The following NDUFAF6 variants were observed in gnomAD, a reference collection of about 807,000 sequenced individuals.
NDUFAF6 encodes NADH dehydrogenase (ubiquinone) complex I, assembly factor 6.
Under a neutral mutation model 40.8 loss-of-function variants are expected in NDUFAF6, and 45 were observed. The observed-to-expected ratio is 1.10, with a 90% confidence interval of 0.87 to 1.42. NDUFAF6 has a LOEUF of 1.42. Among genes scored for constraint, NDUFAF6 ranks in the 40% most tolerant of loss-of-function variants. The probability of loss-of-function intolerance (pLI) is 0.00; values close to 1 mark genes in which losing one functional copy is unlikely to be tolerated. For missense variants in NDUFAF6, 435 were observed against 418.5 expected (o/e 1.04, Z -0.34); for synonymous variants, 185 against 155.9 (o/e 1.19, Z -1.39).
At chr8:94,959,527 T>C (rs1823378662) in intron 1 of NDUFAF6, among the ~76,000 whole-genome samples, 1 of 86,114 alleles carries the variant, frequency 1.2e-5, no homozygotes, top group Non-Finnish European at 2.8e-5. Flanking sequence ...GTTGTTGCTT[T>C]TTGTTTTTTT....
chr8:94,977,056 T>C (rs1337600204), intron 1 of NDUFAF6, among the ~76,000 whole-genome samples: 1 of 143,396 alleles, frequency 7.0e-6, no homozygotes, highest in African/African-American at 2.6e-5. Context: ...GAGGATCACC[T>C]AAACTCAGGG....
intron 4 of NDUFAF6, among the ~76,000 whole-genome samples, chr8:95,042,471 A>G (rs1830253432): frequency 6.6e-6 from 1 of 152,220 alleles, no homozygotes; most frequent in Non-Finnish European, 1.5e-5. Context: ...AAAGAAAATT[A>G]GGGAACTCAA....
At chr8:94,931,235 A>G (rs186016622) in intron 1 of NDUFAF6, among the ~76,000 whole-genome samples, 3 of 152,334 alleles carry the variant, frequency 2.0e-5, no homozygotes, top group Non-Finnish European at 4.4e-5. Flanking sequence ...CATGCTTTAA[A>G]TCTTTATTTA....
At chr8:94,908,530 T>C (rs1285951618) in intron 1 of NDUFAF6, among the ~76,000 whole-genome samples, 1 of 152,116 alleles carries the variant, frequency 6.6e-6, no homozygotes, top group Non-Finnish European at 1.5e-5. Context: ...CCCTCTTCCC[T>C]GGCTAATTTT....
At chr8:95,089,330 C>T (rs1210438873) in intron 2 of NDUFAF6, among the ~76,000 whole-genome samples, 1 of 152,166 alleles carries the variant, frequency 6.6e-6, no homozygotes, top group Non-Finnish European at 1.5e-5. Flanking sequence ...GCCTCCGCCT[C>T]CCATAGTGCT....
intron 8 of NDUFAF6, among the ~76,000 whole-genome samples, chr8:95,053,194 T>C (rs1010510510): frequency 3.7e-4 from 57 of 152,222 alleles, no homozygotes; most frequent in African/African-American, 1.3e-3. Flanking sequence ...TTGCTAATTA[T>C]AAAAGTAGTA....
chr8:95,039,616 GT>G lies in NDUFAF6; in HGVS notation c.421-1943del, dbSNP rs879756772. Among the ~76,000 whole-genome samples the G allele has an allele frequency of 6.7e-4, 99 of 147,296 alleles. No homozygotes were observed. In the Middle Eastern group the frequency reaches 0.014, roughly 21 times the overall value. ...AATAGTGATACTTATAATCAGGACA[GT>G]TTTTTTTTTTATTTCTATTTTTTTC... is the stretch of plus-strand genomic sequence containing the variant. On this transcript the variant is annotated intron_variant, in intron 3 of 8. Transcript: ENST00000396124.
At chr8:95,022,583 C>G (rs1474273935), upstream of NDUFAF6, among the ~76,000 whole-genome samples, 1 of 140,722 alleles carries the variant, frequency 7.1e-6, no homozygotes, top group Non-Finnish European at 1.5e-5. Context: ...TAATCTTTAC[C>G]CCTCCAAAAA....
At chr8:94,925,327 A>T (rs1262754583) in intron 1 of NDUFAF6, among the ~76,000 whole-genome samples, 1 of 152,212 alleles carries the variant, frequency 6.6e-6, no homozygotes, top group Non-Finnish European at 1.5e-5. Context: ...CAATGGCATC[A>T]GGGAAGGCCA....
intron 2 of NDUFAF6, among the ~76,000 whole-genome samples, chr8:95,016,526 T>G (rs907202218): frequency 2.0e-5 from 3 of 152,110 alleles, no homozygotes; most frequent in Admixed American, 2.0e-4. Flanking sequence ...GGGCGGATCA[T>G]GAGGTCAAGA....
In NDUFAF6 at chr8:95,025,109, G is replaced by T; in HGVS notation, c.101G>T (p.Arg34Leu). The change falls in exon 1 of 9, where the codon CGG becomes CTG. Residue 34 changes from arginine to leucine, a missense_variant. Arg to Leu is a moderately radical substitution (Grantham distance 102, BLOSUM62 -2). Coordinates refer to ENST00000396124, the MANE Select transcript of NDUFAF6 (RefSeq NM_152416.4). ...CCTCTGGGTCTGTACGCGCGCATGC[G>T]GCGGCTGCCCGGGCCGGAGGTGTCT... ...RPPLGLYARM[R>L]RLPGPEVSGR... The T allele has an allele frequency of 6.8e-7, 1 of 1,481,056 alleles. No homozygotes were observed. The highest frequency in any genetic ancestry group is 8.9e-7 in the Non-Finnish European group (1 of 1,125,984). The allele number at this position is 1,481,056 out of a possible 1,614,324, so 91.7% of individuals were successfully genotyped here.
intron 1 of NDUFAF6, among the ~76,000 whole-genome samples, chr8:94,943,979 A>G (rs1418756926): frequency 6.6e-6 from 1 of 152,260 alleles, no homozygotes; most frequent in African/African-American, 2.4e-5. Flanking sequence ...TGTGATAGTT[A>G]TATTCCAAAA....
At chr8:95,094,572 C>A (rs1168302932) in intron 2 of NDUFAF6, among the ~76,000 whole-genome samples, 1 of 151,370 alleles carries the variant, frequency 6.6e-6, no homozygotes, top group African/African-American at 2.4e-5. Flanking sequence ...GCCACCATGC[C>A]TGGCTAATTT....
At chr8:95,113,522 G>A (rs552162386) in intron 4 of NDUFAF6, among the ~76,000 whole-genome samples, 5 of 152,280 alleles carry the variant, frequency 3.3e-5, no homozygotes, top group South Asian at 2.1e-4. Flanking sequence ...TCCAGGTTCC[G>A]GGAGGTGAGA....
intron 2 of NDUFAF6, among the ~76,000 whole-genome samples, chr8:95,016,662 A>G (rs1052761658): frequency 5.3e-5 from 8 of 152,190 alleles, no homozygotes; most frequent in African/African-American, 1.7e-4. Context: ...AAATCACTTG[A>G]ACCCGGCAGG....
rs565876743 is a variant in NDUFAF6 at position 94,987,668 on chromosome 8, G to A, written c.-84+6695G>A. On this transcript the variant is annotated intron_variant, in intron 2 of 9. Transcript: ENST00000396111. Reference sequence around the variant, plus strand: ...GTTTTAGGCTGCTTAGGGGAACAGGGGTCCTGGAATAAGAAGCCCCACCCC... The same window carrying A: ...GTTTTAGGCTGCTTAGGGGAACAGGAGTCCTGGAATAAGAAGCCCCACCCC... Among the ~76,000 whole-genome samples the A allele has an allele frequency of 3.3e-5, 5 of 152,254 alleles. No homozygotes were observed. The South Asian group carries it at 8.3e-4, about 25-fold the overall frequency.
At chr8:95,017,098 A>G (rs1459508552) in intron 2 of NDUFAF6, among the ~76,000 whole-genome samples, 1 of 137,060 alleles carries the variant, frequency 7.3e-6, no homozygotes, top group African/African-American at 2.8e-5. Flanking sequence ...ATGCCCAGCT[A>G]ATTTTTTTTT....
chr8:94,922,800 C>A (rs2131274599), intron 1 of NDUFAF6, among the ~76,000 whole-genome samples: 1 of 152,164 alleles, frequency 6.6e-6, no homozygotes, highest in African/African-American at 2.4e-5. Context: ...TTAACAGGAT[C>A]CCCCAGATGA....
chr8:95,101,994 TA>T (rs1412601040), intron 2 of NDUFAF6, among the ~76,000 whole-genome samples: 1 of 46,158 alleles, frequency 2.2e-5, no homozygotes, highest in East Asian at 5.7e-3. Context: ...TCTAAAAAAG[TA>T]TTTTTTTTTT....
Sources: gnomAD v4.1 joint callset for allele counts (sites outside exome capture counted in the v4.1 genomes callset) on GRCh38, gnomAD v4.1.1 for gene constraint, MANE v1.5 for transcripts, NCBI Gene and HGNC (gene_info 2026-07-23, HGNC 2026-07-21) for gene names.